Variants in CARMIL1 observed in about 807,000 individuals in gnomAD.
CARMIL1 encodes capping protein regulator and myosin 1 linker 1, also known as F-actin-uncapping protein LRRC16A.
CARMIL1 carries 90 observed loss-of-function variants against 177.1 expected under a neutral mutation model. That is an observed-to-expected ratio of 0.51 (90% CI 0.43 to 0.61). The LOEUF (loss-of-function observed/expected upper bound fraction) is 0.61, where lower values mean the gene tolerates loss of function less well. CARMIL1 is among the 20% of genes least tolerant of loss of function. CARMIL1 has a pLI of 0.00. For synonymous variants in CARMIL1, 577 were observed against 606.2 expected (o/e 0.95, Z 0.71); for missense variants, 1,380 against 1,667.0 (o/e 0.83, Z 3.00).
chr6:25,348,148 C>CT lies in CARMIL1; in HGVS notation c.138+63248dup, dbSNP rs1437104365. Among the ~76,000 whole-genome samples, 5 of 151,516 alleles carry CT rather than the reference C, an allele frequency of 3.3e-5. No homozygotes were observed. The East Asian group carries it at 9.7e-4, about 29-fold the overall frequency. On this transcript the variant is annotated intron_variant, in intron 2 of 36. Coordinates refer to ENST00000329474, the MANE Select transcript of CARMIL1 (RefSeq NM_017640.6). ...TACAAACACTTAAAGCACTTCTTTTCTTTTTTTTTGAGATGGAGTCTCACT... is the reference window on the plus strand; with the variant it reads ...TACAAACACTTAAAGCACTTCTTTTCTTTTTTTTTTGAGATGGAGTCTCACT...
chr6:25,406,921 T>G (rs1268617783), intron 2 of CARMIL1, among the ~76,000 whole-genome samples: 1 of 151,368 alleles, frequency 6.6e-6, no homozygotes, highest in Non-Finnish European at 1.5e-5. Context: ...AGAGAATGAA[T>G]GGTAGCAGGG....
At chr6:25,389,398 C>G (rs577058631) in intron 2 of CARMIL1, among the ~76,000 whole-genome samples, 79 of 152,188 alleles carry the variant, frequency 5.2e-4, no homozygotes, top group African/African-American at 1.8e-3. Flanking sequence ...CCAGGCTGCC[C>G]TTGAACTCCT....
At chr6:25,321,515 C>T (rs938761800) in intron 2 of CARMIL1, among the ~76,000 whole-genome samples, 1 of 152,032 alleles carries the variant, frequency 6.6e-6, no homozygotes, top group African/African-American at 2.4e-5. Flanking sequence ...ATACTTTACA[C>T]AAATAGAAAG....
At chr6:25,539,355 G>A (rs1162485956) in intron 25 of CARMIL1, among the ~76,000 whole-genome samples, 1 of 151,994 alleles carries the variant, frequency 6.6e-6, no homozygotes, top group Non-Finnish European at 1.5e-5. Flanking sequence ...CCCATTTAGT[G>A]TATGCAGAGA....
chr6:25,450,775 CCCTCCCTCCCTTCCTCCCTCCCTTCCT>C (rs1471047178), intron 8 of CARMIL1, 64 bp downstream of exon 8: 16 of 323,676 alleles, frequency 4.9e-5, no homozygotes, highest in Admixed American at 1.5e-4. Context: ...TTCCTCCCTC[CCCTCCCTCCCTTCCTCCCTCCCTTCCT>C]CCCTCCCCTC....
intron 2 of CARMIL1, among the ~76,000 whole-genome samples, chr6:25,419,744 G>GT (rs968639848): frequency 5.3e-5 from 8 of 151,912 alleles, no homozygotes; most frequent in Non-Finnish European, 7.4e-5. Context: ...CTTAGTTGTT[G>GT]TTTTTTTTCC....
chr6:25,399,866 T>TG (rs1449345838), intron 2 of CARMIL1, among the ~76,000 whole-genome samples: 1 of 152,256 alleles, frequency 6.6e-6, no homozygotes, highest in Non-Finnish European at 1.5e-5. Flanking sequence ...TAGTATCTTT[T>TG]GAGCTGTTGT....
chr6:25,287,886 T>C (rs182333520), intron 2 of CARMIL1, among the ~76,000 whole-genome samples: 210 of 152,322 alleles, frequency 1.4e-3, no homozygotes, highest in African/African-American at 4.7e-3. Context: ...TGTCTTTGAT[T>C]GATTGATTTA....
chr6:25,372,762 T>C (rs9379761), intron 2 of CARMIL1, among the ~76,000 whole-genome samples: 78,940 of 151,964 alleles, frequency 0.52, 20,899 homozygotes, highest in Non-Finnish European at 0.58. Flanking sequence ...TTGCTCTGAC[T>C]AGGGCTCCTG....
chr6:25,596,155 G>GGGTAAATTTTT (rs58751025), intron 32 of CARMIL1, among the ~76,000 whole-genome samples: 2 of 151,828 alleles, frequency 1.3e-5, no homozygotes, highest in East Asian at 1.9e-4. Context: ...AATGAAAGTT[G>GGGTAAATTTTT]GGTAAATTTT....
intron 17 of CARMIL1, among the ~76,000 whole-genome samples, chr6:25,505,767 A>G (rs1480035144): frequency 3.9e-5 from 6 of 152,080 alleles, no homozygotes; most frequent in African/African-American, 9.7e-5. Context: ...GCATTCTTGT[A>G]TGTTTAAAAA....
Position 25,580,152 on chromosome 6 carries a change from G to A in CARMIL1, c.2743-772G>A, listed in dbSNP as rs529263595. ...TCTGACACCATGAATGTTAGCCTTT[G>A]TCATCTCTGTAACTCAGTTTCATCC... is the stretch of plus-strand genomic sequence containing the variant. On this transcript the variant is annotated intron_variant, in intron 29 of 36. Transcript: ENST00000329474. Among the ~76,000 whole-genome samples the A allele has an allele frequency of 3.3e-5, 5 of 152,244 alleles. No individual in the cohort carries two copies. In the South Asian group the frequency reaches 8.3e-4, roughly 25 times the overall value.
intron 31 of CARMIL1, among the ~76,000 whole-genome samples, chr6:25,592,121 C>T (rs1471049478): frequency 5.3e-5 from 8 of 151,904 alleles, no homozygotes; most frequent in African/African-American, 7.3e-5. Context: ...GTGTTAGGAC[C>T]GTATGTCCTG....
intron 2 of CARMIL1, among the ~76,000 whole-genome samples, chr6:25,371,185 C>T (rs755198855): frequency 2.6e-5 from 4 of 152,174 alleles, no homozygotes; most frequent in Non-Finnish European, 4.4e-5. Context: ...TAGGTTGGTT[C>T]TGTATCTTTG....
rs775144796 is a variant in CARMIL1 at position 25,517,416 on chromosome 6, G to A, written c.1874+1G>A. On this transcript the variant is annotated splice_donor_variant, in intron 22 of 36. Transcript: ENST00000329474. LOFTEE classifies it high-confidence loss of function. ...AGGATATAGCTGTTGCTATGGAAAA[G>A]TAAGTTTGAATTAGGATTTCTTTCT... 6.2e-7 allele frequency: 1 copy of A among 1,612,012 alleles called. No homozygotes were observed. The highest frequency in any genetic ancestry group is 8.5e-7 in the Non-Finnish European group (1 of 1,178,742).
intron 1 of CARMIL1, among the ~76,000 whole-genome samples, chr6:25,281,412 A>G (rs960496143): frequency 2.6e-5 from 4 of 152,056 alleles, no homozygotes; most frequent in Admixed American, 6.5e-5. Context: ...TTTACTTTAT[A>G]TAAGGAGTTG....
chr6:25,550,597 T>C (rs1006313643), intron 26 of CARMIL1, among the ~76,000 whole-genome samples: 8 of 152,150 alleles, frequency 5.3e-5, no homozygotes, highest in Non-Finnish European at 1.0e-4. Context: ...AGGCTTGATG[T>C]TTGCATTTTT....
intron 2 of CARMIL1, among the ~76,000 whole-genome samples, chr6:25,331,369 A>G (rs1262636704): frequency 6.6e-6 from 1 of 152,206 alleles, no homozygotes; most frequent in Non-Finnish European, 1.5e-5. Flanking sequence ...GCTGCAGCCC[A>G]TGATAGGCTA....
intron 2 of CARMIL1, among the ~76,000 whole-genome samples, chr6:25,389,741 A>G (rs1283740385): frequency 1.3e-5 from 2 of 152,206 alleles, no homozygotes; most frequent in Non-Finnish European, 1.5e-5. Context: ...GGCCGCAGCA[A>G]TGAAGATTTT....
Sources: gnomAD v4.1 joint callset for allele counts (sites outside exome capture counted in the v4.1 genomes callset) on GRCh38, gnomAD v4.1.1 for gene constraint, MANE v1.5 for transcripts, NCBI Gene and HGNC (gene_info 2026-07-23, HGNC 2026-07-21) for gene names.